LRP1: variants seen among roughly 807,000 people sequenced by gnomAD.
The protein encoded by LRP1 is LDL receptor related protein 1.
In LRP1, 51 loss-of-function variants were observed where a neutral mutation model predicts 541.5. The observed-to-expected ratio is 0.09, with a 90% CI of 0.08 to 0.12. The LOEUF is 0.12. Among genes scored for constraint, LRP1 ranks in the 10% least tolerant of loss-of-function variants. LRP1 has a pLI of 1.00. For synonymous variants in LRP1, 2,219 were observed against 2,470.8 expected, an observed-to-expected ratio of 0.90 and a Z score of 3.02; for missense variants, 3,878 against 6,376.2, an observed-to-expected ratio of 0.61 and a Z score of 13.34.
rs113104289 is a variant in LRP1, at chr12:57,203,072, T to C, written c.10712-109T>C. The C allele has an allele frequency of 8.2e-3, 6,551 of 797,956 alleles. 301 individuals are homozygous for C. In the African/African-American group the frequency reaches 0.1, roughly 12 times the overall value. The allele number at this position is 797,956 out of a possible 1,614,324, so 49.4% of individuals were successfully genotyped here. A position where few individuals can be genotyped will look rare whatever the true frequency, so the allele number is the denominator to read the frequency against. The stretch of plus-strand genomic sequence containing the variant: ...GCTCGGCCTCTGGGTCAGTCAGCTG[T>C]GGCCTTCAGAGACACGGGGATGGGC... On this transcript the variant is annotated intron_variant, in intron 68 of 88. Coordinates refer to ENST00000243077, the MANE Select transcript of LRP1 (RefSeq NM_002332.3).
chr12:57,150,292 C>T (rs575965798), intron 6 of LRP1, among the ~76,000 whole-genome samples: 8 of 145,498 alleles, frequency 5.5e-5, no homozygotes, highest in African/African-American at 5.1e-5. Context: ...CCCGGGTTCA[C>T]GCCATTCTTC....
At chr12:57,182,733 T>C (rs568259919) in intron 34 of LRP1, among the ~76,000 whole-genome samples, 25 of 152,102 alleles carry the variant, frequency 1.6e-4, no homozygotes, top group Non-Finnish European at 3.2e-4. Context: ...GGAGAATCAC[T>C]TGAACCTGGG....
Position 57,183,825 on chromosome 12 carries a change from G to A in LRP1, c.5845G>A (p.Ala1949Thr). 1 of 1,614,156 alleles carries A rather than the reference G, an allele frequency of 6.2e-7. No individual in the cohort carries two copies. Among genetic ancestry groups the A allele is most frequent in the Non-Finnish European group, 8.5e-7 (1 of 1,180,042 alleles). ...VDMGLSTISR[A>T]KRDQTWREDV... The stretch of plus-strand genomic sequence containing the variant: ...CATGGGCCTGAGCACGATCAGCCGG[G>A]CCAAGCGGGACCAGACGTGGCGTGA... The change falls in exon 36 of 89, where the codon GCC becomes ACC. Residue 1949 changes from alanine (A) to threonine (T), a missense_variant. By Grantham distance (58) the Ala-to-Thr change is moderately conservative. Transcript: ENST00000243077. This position sits in a 1 kb window ranked among gnomAD's most constrained non-coding sequence, Gnocchi z 6.1.
In LRP1 at chr12:57,199,992, G is replaced by A; in HGVS notation, c.9981G>A (p.Gly3327=). ...CPTNFYLGSD[G]RTCVSNCTAS... is the part of the protein sequence containing the mutation. Reference sequence around the variant, plus strand: ...CCAACTTCTACCTGGGCAGCGATGGGCGCACCTGTGTGTCCAACTGCACGG... The same window carrying A: ...CCAACTTCTACCTGGGCAGCGATGGACGCACCTGTGTGTCCAACTGCACGG... The change falls in exon 62 of 89, where the codon GGG becomes GGA. Residue 3327 remains glycine (G), a synonymous_variant. Transcript: ENST00000243077. The A allele has an allele frequency of 6.3e-7, 1 of 1,597,004 alleles. No homozygotes were observed. Among genetic ancestry groups the A allele is most frequent in the Non-Finnish European group, 8.5e-7 (1 of 1,174,888 alleles).
At chr12:57,132,019 A>T (rs2035048405) in intron 1 of LRP1, 1 of 152,326 alleles carries the variant, frequency 6.6e-6, no homozygotes, top group Non-Finnish European at 1.5e-5. Flanking sequence ...CAGACTCTTT[A>T]CCTTTCAGGT....
chr12:57,195,124 G>A (rs369831535), intron 51 of LRP1, 23 bp downstream of exon 51: 38 of 1,607,070 alleles, frequency 2.4e-5, no homozygotes, highest in East Asian at 4.5e-5. Context: ...GGATTGGGCC[G>A]GGGGAGGTGC....
rs1302429984 is a variant in LRP1, at chr12:57,212,197, A to C, written c.13430A>C (p.Glu4477Ala). The change falls in exon 88 of 89, where the codon GAA (glutamate) becomes GCA (alanine). Residue 4477 changes from glutamate (E) to alanine (A), a missense_variant. By Grantham distance (107) the Glu-to-Ala change is moderately radical (BLOSUM62 -1). This residue lies in a region of LRP1 where 871 missense variants were observed against 1,212.4 expected (regional missense o/e 0.72). Transcript: ENST00000243077. The surrounding 1 kb of genome is among the most constrained non-coding windows in gnomAD (Gnocchi z 5.0). The stretch of plus-strand genomic sequence containing the variant: ...GGAAACCCCACCTACAAGATGTACG[A>C]AGGCGGAGAGCCTGATGATGTGGGA... ...EIGNPTYKMYEGGEPDDVGGL... is the reference protein window; with the variant it reads ...EIGNPTYKMYAGGEPDDVGGL... 1 of 1,613,988 alleles carries C rather than the reference A, an allele frequency of 6.2e-7. No homozygotes were observed.
At position 57,154,479 on chromosome 12, in the gene LRP1, G is replaced by A. The variant is rs777862507; in HGVS notation, c.1005G>A (p.Gly335=). 2.2e-5 allele frequency: 35 copies of A among 1,612,346 alleles called. No individual in the cohort carries two copies. Among genetic ancestry groups the A allele is most frequent in the Non-Finnish European group, 2.9e-5 (34 of 1,178,496 alleles). ...CCATTTAACATGCATCTTCCCACAG[G>A]AAGGTGTTTTTCACTGACTATGGGC... ...PKGIALDPAM[G]KVFFTDYGQI... Residue 335 remains glycine (G), a splice_region_variant and synonymous_variant, in exon 8 of 89, where the codon GGG becomes GGA. Coordinates refer to ENST00000243077, the MANE Select transcript of LRP1 (RefSeq NM_002332.3). This position sits in a 1 kb window ranked among gnomAD's most constrained non-coding sequence, Gnocchi z 4.6.
At position 57,194,963 on chromosome 12, in the gene LRP1, CTG is replaced by C. The variant is rs767830248; in HGVS notation, c.8192-19_8192-18del. ...GTGACCCCCACCCTTCCCCATCTAA[CTG>C]TGGCTTCTGACTGCCCCAGACAAGT... On this transcript the variant is annotated intron_variant, in intron 50 of 88. Transcript: ENST00000243077. The C allele has an allele frequency of 1.3e-6, 2 of 1,594,496 alleles. No homozygotes were observed. The highest frequency in any genetic ancestry group is 2.2e-5 in the East Asian group (1 of 44,630).
rs1276336435 is a variant in LRP1 at position 57,194,966 on chromosome 12, T to C, written c.8192-19T>C. On this transcript the variant is annotated intron_variant, in intron 50 of 88. Transcript: ENST00000243077. Reference sequence around the variant, plus strand: ...ACCCCCACCCTTCCCCATCTAACTGTGGCTTCTGACTGCCCCAGACAAGTT... The same window carrying C: ...ACCCCCACCCTTCCCCATCTAACTGCGGCTTCTGACTGCCCCAGACAAGTT... The C allele has an allele frequency of 6.3e-7, 1 of 1,597,818 alleles. No individual in the cohort carries two copies. The highest frequency in any genetic ancestry group is 1.7e-5 in the Admixed American group (1 of 59,950).
chr12:57,148,838 A>G (rs2035468117), intron 6 of LRP1: 2 of 475,732 alleles, frequency 4.2e-6, no homozygotes, highest in South Asian at 3.9e-5. Context: ...ACCATGCTGC[A>G]TGGGGAAGAA....
At chr12:57,149,724 G>C (rs755649338) in intron 6 of LRP1, 1 of 732,994 alleles carries the variant, frequency 1.4e-6, no homozygotes, top group Non-Finnish European at 2.5e-6. Context: ...GACACAACAC[G>C]GCTAAGCTCC....
Position 57,199,264 on chromosome 12 carries a change from C to T in LRP1, c.9729C>T (p.Tyr3243=), listed in dbSNP as rs187777534. The T allele has an allele frequency of 3.2e-5, 51 of 1,613,970 alleles. No individual in the cohort carries two copies. The highest frequency in any genetic ancestry group is 2.2e-4 in the East Asian group (10 of 44,886). Residue 3243 remains tyrosine, a synonymous_variant, in exon 61 of 89, where the codon TAC becomes TAT. Coordinates refer to ENST00000243077, the MANE Select transcript of LRP1 (RefSeq NM_002332.3). Reference sequence around the variant, plus strand: ...TTGCACTGACCCTGTTTGAGGACTACGTCTACTGGACCGACTGGGAAACAA... The same window carrying T: ...TTGCACTGACCCTGTTTGAGGACTATGTCTACTGGACCGACTGGGAAACAA... The part of the protein sequence containing the change: ...HIFALTLFED[Y]VYWTDWETKS...
chr12:57,181,703 G>A (rs2036169300), intron 34 of LRP1, among the ~76,000 whole-genome samples: 1 of 152,190 alleles, frequency 6.6e-6, no homozygotes, highest in Non-Finnish European at 1.5e-5. Flanking sequence ...CCTGGAAAGT[G>A]ATGTTTGGGG....
At chr12:57,152,802 G>A (rs1351078651) in intron 6 of LRP1, among the ~76,000 whole-genome samples, 1 of 152,178 alleles carries the variant, frequency 6.6e-6, no homozygotes, top group Non-Finnish European at 1.5e-5. Context: ...GTTTGATGAA[G>A]CCCTCAGTTG....
chr12:57,156,309 A>G lies in LRP1; in HGVS notation c.1417+26A>G. 1.2e-6 allele frequency: 2 copies of G among 1,610,948 alleles called. No homozygotes were observed. The highest frequency in any genetic ancestry group is 2.2e-5 in the South Asian group (2 of 90,744). ...GTGAGCAGGGCTCCATGGCCCCTCC[A>G]AAGCTGGCTTTACCCCATGATGGCT... On this transcript the variant is annotated intron_variant, in intron 9 of 88. Transcript: ENST00000243077. This position sits in a 1 kb window ranked among gnomAD's most constrained non-coding sequence, Gnocchi z 5.2.
At chr12:57,133,628 C>T (rs1157078774) in intron 1 of LRP1, among the ~76,000 whole-genome samples, 2 of 134,840 alleles carry the variant, frequency 1.5e-5, no homozygotes, top group Admixed American at 7.3e-5. Flanking sequence ...CGCCGCCCCC[C>T]CACCCCACCC....
intron 48 of LRP1, 70 bp downstream of exon 48, chr12:57,194,082 C>G: frequency 7.5e-7 from 1 of 1,337,700 alleles, no homozygotes; most frequent in East Asian, 2.4e-5. Flanking sequence ...CGCCTTCAGG[C>G]CCTCCTGCAC....
At position 57,209,786 on chromosome 12, in the gene LRP1, C is replaced by T. The variant is rs752058737; in HGVS notation, c.12357C>T (p.Gly4119=). The part of the protein sequence containing the change: ...NNRVFKIHKF[G]HSPLVNLTGG... ...GTGTCTTCAAGATCCATAAGTTTGG[C>T]CACAGCCCCTTGGTCAACCTGACAG... The change falls in exon 80 of 89, where the codon GGC becomes GGT. Residue 4119 remains glycine, a synonymous_variant. Transcript: ENST00000243077. 1.2e-6 allele frequency: 2 copies of T among 1,614,112 alleles called. No individual in the cohort carries two copies. The highest frequency in any genetic ancestry group is 4.5e-5 in the East Asian group (2 of 44,898).
Sources: allele counts gnomAD v4.1 joint callset (sites outside exome capture counted in the v4.1 genomes callset), GRCh38; gene constraint gnomAD v4.1.1; regional missense constraint gnomAD v4.1.1; non-coding constraint Gnocchi (gnomAD v3.1); transcripts MANE v1.5; gene names NCBI Gene and HGNC (gene_info 2026-07-23, HGNC 2026-07-21).